Variants in ROBO1 observed in about 807,000 individuals in gnomAD.
ROBO1 encodes the protein roundabout homolog 1.
In ROBO1, 149 loss-of-function variants were observed where a neutral mutation model predicts 195.9. That is an observed-to-expected ratio of 0.76 (90% CI 0.67 to 0.87). The LOEUF (loss-of-function observed/expected upper bound fraction) is 0.87, where lower values mean the gene tolerates loss of function less well. Among genes scored for constraint, ROBO1 ranks in the 40% least tolerant of loss-of-function variants. ROBO1 has a pLI of 0.00. For synonymous variants in ROBO1, 816 were observed against 733.2 expected (o/e 1.11, Z -1.82); for missense variants, 1,933 against 2,068.3 (o/e 0.93, Z 1.27).
chr3:78,885,807 T>C (rs1257503002), intron 4 of ROBO1, among the ~76,000 whole-genome samples: 1 of 150,868 alleles, frequency 6.6e-6, no homozygotes, highest in African/African-American at 2.4e-5. Context: ...ACATGGACTA[T>C]TTAATTTTAG....
chr3:79,744,110 T>C (rs887456790), intron 1 of ROBO1, among the ~76,000 whole-genome samples: 12 of 152,234 alleles, frequency 7.9e-5, no homozygotes, highest in African/African-American at 2.9e-4. Context: ...AACAGTGCAG[T>C]AAATTTTTTT....
At chr3:78,677,257 T>C (rs1338379959) in intron 10 of ROBO1, among the ~76,000 whole-genome samples, 2 of 152,164 alleles carry the variant, frequency 1.3e-5, no homozygotes, top group Non-Finnish European at 2.9e-5. Flanking sequence ...AGGAAGAAAC[T>C]GCATCAACCA....
chr3:78,724,281 G>A (rs1298754808), intron 5 of ROBO1, among the ~76,000 whole-genome samples: 1 of 151,986 alleles, frequency 6.6e-6, no homozygotes, highest in Non-Finnish European at 1.5e-5. Flanking sequence ...AATACATGGT[G>A]GGCTGTTCAT....
chr3:79,546,908 G>A lies in ROBO1; in HGVS notation c.88+42916C>T, dbSNP rs184277205. Among the ~76,000 whole-genome samples, 13 of 152,218 alleles carry A rather than the reference G, an allele frequency of 8.5e-5. 1 individual carries two copies. In the East Asian group the frequency reaches 2.5e-3, roughly 29 times the overall value. On this transcript the variant is annotated intron_variant, in intron 2 of 30. Transcript: ENST00000464233. ...AAAAAATACGGACTTGAGGCCGGGC[G>A]CGGTGGCTCACGCCTGTAATCCCAG...
At chr3:78,945,122 T>C (rs913178341) in intron 3 of ROBO1, among the ~76,000 whole-genome samples, 6 of 152,314 alleles carry the variant, frequency 3.9e-5, no homozygotes, top group Admixed American at 3.3e-4. Context: ...AAGATAGCAG[T>C]AACCTCTGCA....
At chr3:79,206,168 T>C (rs2081861956) in intron 2 of ROBO1, among the ~76,000 whole-genome samples, 1 of 152,184 alleles carries the variant, frequency 6.6e-6, no homozygotes, top group Admixed American at 6.5e-5. Flanking sequence ...TTGTCCAGAG[T>C]AACCACATGG....
At chr3:78,860,139 G>GTAGGTAGATAGATAGA (rs1273657592) in intron 4 of ROBO1, among the ~76,000 whole-genome samples, 5 of 141,976 alleles carry the variant, frequency 3.5e-5, no homozygotes, top group African/African-American at 1.3e-4. Context: ...AGGTAGATAG[G>GTAGGTAGATAGATAGA]TAGATAGATA....
intron 1 of ROBO1, among the ~76,000 whole-genome samples, chr3:79,607,130 CACAT>C (rs1179207624): frequency 2.4e-4 from 36 of 150,954 alleles, no homozygotes; most frequent in African/African-American, 7.3e-4. Flanking sequence ...CACACACACA[CACAT>C]AGTGGAACCT....
intron 4 of ROBO1, among the ~76,000 whole-genome samples, chr3:78,835,454 T>C (rs2032625379): frequency 6.6e-6 from 1 of 152,144 alleles, no homozygotes; most frequent in South Asian, 2.1e-4. Flanking sequence ...ATAAGCAACA[T>C]TATTAATGTC....
intron 3 of ROBO1, among the ~76,000 whole-genome samples, chr3:79,058,147 C>T (rs1431785628): frequency 6.6e-6 from 1 of 151,942 alleles, no homozygotes; most frequent in South Asian, 2.1e-4. Context: ...AATTTTGAGG[C>T]CCCATCTAAA....
intron 3 of ROBO1, among the ~76,000 whole-genome samples, chr3:78,999,002 T>C (rs2077432923): frequency 6.6e-6 from 1 of 151,940 alleles, no homozygotes; most frequent in African/African-American, 2.4e-5. Flanking sequence ...GAAATGCAAA[T>C]CAAAACTACA....
chr3:79,484,577 T>C (rs1032192221), intron 2 of ROBO1, among the ~76,000 whole-genome samples: 1 of 151,912 alleles, frequency 6.6e-6, no homozygotes, highest in Admixed American at 6.6e-5. Flanking sequence ...GAAATAAGGA[T>C]TCTTTTACAA....
intron 2 of ROBO1, among the ~76,000 whole-genome samples, chr3:79,478,825 T>C (rs577265794): frequency 3.3e-5 from 5 of 152,316 alleles, no homozygotes; most frequent in Admixed American, 2.6e-4. Flanking sequence ...CATGCGTGAC[T>C]GTGTAACACC....
rs139356912 is a variant in ROBO1 at position 78,836,283 on chromosome 3, C to T, written c.500-89383G>A. ...ATCCCAGCACTTTGGGAGGCCGAGGCGGGCGGATCACGAGGTCAGGAGATA... is the reference window on the plus strand; with the variant it reads ...ATCCCAGCACTTTGGGAGGCCGAGGTGGGCGGATCACGAGGTCAGGAGATA... On this transcript the variant is annotated intron_variant, in intron 4 of 30. Transcript: ENST00000464233. Among the ~76,000 whole-genome samples the T allele has an allele frequency of 2.4e-3, 367 of 152,010 alleles. 3 individuals are homozygous for T. The highest frequency in any genetic ancestry group is 8.2e-3 in the African/African-American group (341 of 41,478).
At chr3:78,714,049 A>G (rs188635411) in intron 8 of ROBO1, among the ~76,000 whole-genome samples, 10 of 152,354 alleles carry the variant, frequency 6.6e-5, no homozygotes, top group Non-Finnish European at 1.0e-4. Flanking sequence ...CCTCCAAGAC[A>G]GCAATAGCTG....
At chr3:79,762,143 A>G (rs1704732564) in intron 1 of ROBO1, among the ~76,000 whole-genome samples, 1 of 152,130 alleles carries the variant, frequency 6.6e-6, no homozygotes, top group Non-Finnish European at 1.5e-5. Flanking sequence ...TGCTTTTCTC[A>G]TAGTTTTAGA....
In ROBO1 at chr3:78,668,118, A is replaced by G. The variant is rs760128287; in HGVS notation, c.1799+16T>C. 6.2e-7 allele frequency: 1 copy of G among 1,612,270 alleles called. No homozygotes were observed. Among genetic ancestry groups the G allele is most frequent in the East Asian group, 2.2e-5 (1 of 44,854 alleles). On this transcript the variant is annotated intron_variant, in intron 13 of 30. Coordinates refer to ENST00000464233, the MANE Select transcript of ROBO1 (RefSeq NM_002941.4). Reference sequence around the variant, plus strand: ...AATCAAAAAAGAACAACTAGGAAGCATCTCCTTCACTCTACCTGAAGGCTT... The same window carrying G: ...AATCAAAAAAGAACAACTAGGAAGCGTCTCCTTCACTCTACCTGAAGGCTT...
intron 3 of ROBO1, among the ~76,000 whole-genome samples, chr3:78,945,097 G>T (rs1215528227): frequency 6.6e-6 from 1 of 152,212 alleles, no homozygotes; most frequent in African/African-American, 2.4e-5. Context: ...TGGGGTCAGG[G>T]CATGGACAAA....
At chr3:79,107,936 C>T (rs2079815415) in intron 3 of ROBO1, among the ~76,000 whole-genome samples, 1 of 151,580 alleles carries the variant, frequency 6.6e-6, no homozygotes, top group Non-Finnish European at 1.5e-5. Flanking sequence ...AATACAGATG[C>T]TCAATGTATA....
Sources: gnomAD v4.1 joint callset for allele counts (sites outside exome capture counted in the v4.1 genomes callset) on GRCh38, gnomAD v4.1.1 for gene constraint, MANE v1.5 for transcripts, NCBI Gene and HGNC (gene_info 2026-07-23, HGNC 2026-07-21) for gene names.